Variants in CAMTA1 observed in about 807,000 individuals in gnomAD.
The protein encoded by CAMTA1 is calmodulin binding transcription activator 1.
A neutral mutation model predicts 170.9 loss-of-function variants in CAMTA1; 27 were observed. The observed-to-expected ratio is 0.16, with a 90% confidence interval of 0.12 to 0.22. The LOEUF (loss-of-function observed/expected upper bound fraction) is 0.22. Ranked by LOEUF, CAMTA1 falls within the 10% of genes least tolerant of loss-of-function variation. The pLI, the probability that CAMTA1 is intolerant of heterozygous loss-of-function variation, is 1.00. For missense variants in CAMTA1, 1,619 were observed against 2,217.2 expected (o/e 0.73, Z 5.42); for synonymous variants, 833 against 891.5 (o/e 0.93, Z 1.17).
At chr1:7,303,122 C>A (rs575975374) in intron 5 of CAMTA1, among the ~76,000 whole-genome samples, 1 of 152,114 alleles carries the variant, frequency 6.6e-6, no homozygotes, top group East Asian at 1.9e-4. Flanking sequence ...TAGAGTGGTG[C>A]CTGGCATACA....
chr1:6,884,546 A>G (rs1344627799), intron 3 of CAMTA1, among the ~76,000 whole-genome samples: 1 of 152,146 alleles, frequency 6.6e-6, no homozygotes, highest in Non-Finnish European at 1.5e-5. Context: ...GGATGCCCCA[A>G]TTCTGTACCT....
chr1:7,216,038 C>G lies in CAMTA1; in HGVS notation c.303-33453C>G, dbSNP rs1322307768. 6.6e-6 allele frequency among the ~76,000 whole-genome samples: 1 copy of G among 152,206 alleles called. No homozygotes were observed. The highest frequency in any genetic ancestry group is 1.5e-5 in the Non-Finnish European group (1 of 68,042). On this transcript the variant is annotated intron_variant, in intron 4 of 22. Coordinates refer to ENST00000303635, the MANE Select transcript of CAMTA1 (RefSeq NM_015215.4). The surrounding 1 kb of genome is among the most constrained non-coding windows in gnomAD (Gnocchi z 4.0). ...ATAAAGACAAGAAGTTTAATTGACT[C>G]ATGGTTCCACAGGCTTTACAGGAAG...
rs1003055190 is a variant in CAMTA1 at position 7,041,875 on chromosome 1, C to T, written c.235-49429C>T. On this transcript the variant is annotated intron_variant, in intron 3 of 22. Coordinates refer to ENST00000303635, the MANE Select transcript of CAMTA1 (RefSeq NM_015215.4). The surrounding 1 kb of genome is among the most constrained non-coding windows in gnomAD (Gnocchi z 5.1). ...GTGTTTGGGGATTTGACTGAAGCCT[C>T]CACACTATGGACAGACCAAGTGGTG... 6.6e-6 allele frequency among the ~76,000 whole-genome samples: 1 copy of T among 152,152 alleles called. No homozygotes were observed. The highest frequency in any genetic ancestry group is 2.4e-5 in the African/African-American group (1 of 41,436).
Position 7,234,211 on chromosome 1 carries a change from G to T in CAMTA1, c.303-15280G>T, listed in dbSNP as rs901200775. Reference sequence around the variant, plus strand: ...CCCTGTTCTTTGTCTGCCAGCCTCTGCCAAGCTTCCTCTCCAAACCTGGGC... The same window carrying T: ...CCCTGTTCTTTGTCTGCCAGCCTCTTCCAAGCTTCCTCTCCAAACCTGGGC... On this transcript the variant is annotated intron_variant, in intron 4 of 22. Transcript: ENST00000303635. The surrounding 1 kb of genome is among the most constrained non-coding windows in gnomAD (Gnocchi z 5.0). 3.3e-5 allele frequency among the ~76,000 whole-genome samples: 5 copies of T among 152,100 alleles called. No homozygotes were observed. The highest frequency in any genetic ancestry group is 5.9e-5 in the Non-Finnish European group (4 of 68,018).
At chr1:7,390,808 G>T (rs181176269) in intron 5 of CAMTA1, among the ~76,000 whole-genome samples, 2 of 152,242 alleles carry the variant, frequency 1.3e-5, no homozygotes, top group Admixed American at 1.3e-4. Context: ...GCTCTGCACC[G>T]CCCGCCAGGT....
intron 11 of CAMTA1, among the ~76,000 whole-genome samples, chr1:7,703,444 AG>A (rs1275598200): frequency 6.6e-6 from 1 of 152,174 alleles, no homozygotes; most frequent in East Asian, 1.9e-4. Context: ...GCAGCCCCCA[AG>A]GGAAGCCATG....
chr1:7,577,809 A>G (rs1466011812), intron 6 of CAMTA1, among the ~76,000 whole-genome samples: 1 of 152,216 alleles, frequency 6.6e-6, no homozygotes. Flanking sequence ...CAATATATCG[A>G]TGAATGCACT....
At chr1:7,491,203 C>A (rs192380831) in intron 6 of CAMTA1, among the ~76,000 whole-genome samples, 56 of 152,304 alleles carry the variant, frequency 3.7e-4, no homozygotes, top group African/African-American at 1.3e-3. Flanking sequence ...GTACCCCCTG[C>A]CATCACCTGA....
chr1:7,498,144 G>A (rs1265123119), intron 6 of CAMTA1, among the ~76,000 whole-genome samples: 1 of 152,038 alleles, frequency 6.6e-6, no homozygotes, highest in African/African-American at 2.4e-5. Context: ...TGAGCAACAG[G>A]ATACTGGAGA....
At chr1:7,671,183 A>ACG in intron 10 of CAMTA1, 146 bp downstream of exon 10, 1 of 874,840 alleles carries the variant, frequency 1.1e-6, no homozygotes, top group Non-Finnish European at 1.8e-6. Flanking sequence ...CGGATCCCCG[A>ACG]TAGTCTATTA....
chr1:6,912,716 C>T (rs975399574), intron 3 of CAMTA1, among the ~76,000 whole-genome samples: 1 of 152,226 alleles, frequency 6.6e-6, no homozygotes, highest in Non-Finnish European at 1.5e-5. Flanking sequence ...CTGCCTCCCT[C>T]TCAGCAGAAG....
At chr1:7,490,660 A>AG (rs1350734184) in intron 6 of CAMTA1, among the ~76,000 whole-genome samples, 1 of 151,520 alleles carries the variant, frequency 6.6e-6, no homozygotes, top group Non-Finnish European at 1.5e-5. Context: ...CTCAAAAAAA[A>AG]AAAGTGACAA....
intron 6 of CAMTA1, among the ~76,000 whole-genome samples, chr1:7,586,860 G>A (rs546507853): frequency 2.6e-5 from 4 of 152,070 alleles, no homozygotes; most frequent in Non-Finnish European, 4.4e-5. Flanking sequence ...GCCCCTTGCT[G>A]TGGGGCGGGC....
At chr1:6,786,375 G>T (rs1329720096) in intron 1 of CAMTA1, among the ~76,000 whole-genome samples, 1 of 152,000 alleles carries the variant, frequency 6.6e-6, no homozygotes, top group African/African-American at 2.4e-5. Context: ...TATGGCAAGT[G>T]AGGATCTCCA....
intron 4 of CAMTA1, chr1:7,219,541 T>TA (rs1487511761): frequency 3.5e-5 from 3 of 86,820 alleles, no homozygotes; most frequent in Non-Finnish European, 6.3e-5. Flanking sequence ...GAATTTTTTC[T>TA]TAAAAAAAAA....
chr1:7,571,402 G>A (rs2095124017), intron 6 of CAMTA1, among the ~76,000 whole-genome samples: 1 of 152,178 alleles, frequency 6.6e-6, no homozygotes, highest in African/African-American at 2.4e-5. Context: ...TTGTGTCACA[G>A]GGGTTTGGCC....
intron 16 of CAMTA1, 93 bp from the exon 17 acceptor site, chr1:7,744,741 AT>A (rs2096844993): frequency 2.8e-6 from 3 of 1,061,066 alleles, no homozygotes; most frequent in Non-Finnish European, 4.2e-6. Context: ...CTGCCTGATT[AT>A]TTTTTTCTCT....
At chr1:7,349,751 G>A (rs867945920) in intron 5 of CAMTA1, among the ~76,000 whole-genome samples, 12 of 152,280 alleles carry the variant, frequency 7.9e-5, no homozygotes, top group African/African-American at 2.2e-4. Context: ...GCGAAGACTC[G>A]CTTTCCAAAA....
chr1:7,076,809 C>G lies in CAMTA1; in HGVS notation c.235-14495C>G, dbSNP rs139637683. 2.0e-5 allele frequency among the ~76,000 whole-genome samples: 3 copies of G among 152,300 alleles called. No homozygotes were observed. The East Asian group carries it at 5.8e-4, about 29-fold the overall frequency. ...GTGTTCATGCATATGTTAAGGTCTT[C>G]TGAGACCGACCTCTACTCCTCTTCA... On this transcript the variant is annotated intron_variant, in intron 3 of 22. Transcript: ENST00000303635.
Sources: allele counts gnomAD v4.1 joint callset (sites outside exome capture counted in the v4.1 genomes callset), GRCh38; gene constraint gnomAD v4.1.1; non-coding constraint Gnocchi (gnomAD v3.1); transcripts MANE v1.5; gene names NCBI Gene and HGNC (gene_info 2026-07-23, HGNC 2026-07-21).